Variants in TAFA4 observed in about 807,000 individuals in gnomAD.
TAFA4 encodes TAFA chemokine like family member 4.
Under a neutral mutation model 21.1 loss-of-function variants are expected in TAFA4, and 20 were observed. That is an observed-to-expected ratio of 0.95 (90% CI 0.67 to 1.38). The LOEUF is 1.38. TAFA4 is among the 40% of genes most tolerant of loss of function. The probability of loss-of-function intolerance (pLI) is 0.00; values close to 1 mark genes in which losing one functional copy is unlikely to be tolerated. For synonymous variants in TAFA4, 71 were observed against 67.4 expected (o/e 1.05, Z -0.26); for missense variants, 211 against 180.9 (o/e 1.17, Z -0.95).
At chr3:68,860,911 T>C (rs1006567935) in intron 3 of TAFA4, among the ~76,000 whole-genome samples, 1 of 152,148 alleles carries the variant, frequency 6.6e-6, no homozygotes, top group East Asian at 1.9e-4. Flanking sequence ...TTTTCTAAAA[T>C]ACTTGCCTTT....
intron 4 of TAFA4, among the ~76,000 whole-genome samples, chr3:68,744,676 G>A (rs539166111): frequency 5.3e-5 from 8 of 152,110 alleles, no homozygotes; most frequent in South Asian, 2.1e-4. Flanking sequence ...TAAAAATGAC[G>A]GATCCGGATG....
chr3:68,867,257 G>A (rs1575649082), intron 3 of TAFA4, among the ~76,000 whole-genome samples: 1 of 152,026 alleles, frequency 6.6e-6, no homozygotes, highest in African/African-American at 2.4e-5. Flanking sequence ...AAACCACAGA[G>A]GCCAGGAAAG....
chr3:68,870,730 C>T (rs926077223), intron 3 of TAFA4, among the ~76,000 whole-genome samples: 7 of 152,068 alleles, frequency 4.6e-5, no homozygotes, highest in Admixed American at 3.9e-4. Context: ...AATACTCTCC[C>T]TCCCCTTGCT....
chr3:68,917,764 A>AAAAAAAG (rs1443195684), intron 1 of TAFA4, among the ~76,000 whole-genome samples: 1 of 150,964 alleles, frequency 6.6e-6, no homozygotes, highest in African/African-American at 2.4e-5. Flanking sequence ...AAAAAAAAAA[A>AAAAAAAG]AAAAAAAAAG....
At chr3:68,869,814 A>G (rs2089462764) in intron 3 of TAFA4, among the ~76,000 whole-genome samples, 2 of 152,056 alleles carry the variant, frequency 1.3e-5, no homozygotes, top group Non-Finnish European at 2.9e-5. Context: ...AAGGATGCAC[A>G]AATTTACCAC....
intron 3 of TAFA4, among the ~76,000 whole-genome samples, chr3:68,792,642 A>G (rs773466038): frequency 1.3e-5 from 2 of 152,210 alleles, no homozygotes; most frequent in Non-Finnish European, 2.9e-5. Context: ...GATTTATTCT[A>G]TCTCTTGCCC....
intron 3 of TAFA4, among the ~76,000 whole-genome samples, chr3:68,760,676 G>C (rs929372929): frequency 6.6e-6 from 1 of 152,174 alleles, no homozygotes; most frequent in Non-Finnish European, 1.5e-5. Flanking sequence ...CTAAATACAA[G>C]ATTTCATGAA....
At chr3:68,856,755 T>G (rs1245059331) in intron 3 of TAFA4, among the ~76,000 whole-genome samples, 1 of 152,098 alleles carries the variant, frequency 6.6e-6, no homozygotes, top group African/African-American at 2.4e-5. Context: ...GAATTATACC[T>G]CACTCCTACT....
At chr3:68,744,462 G>A (rs571518841) in intron 4 of TAFA4, among the ~76,000 whole-genome samples, 10 of 152,214 alleles carry the variant, frequency 6.6e-5, no homozygotes, top group Non-Finnish European at 1.3e-4. Context: ...AAGAGTTTGA[G>A]AAGAACAAAC....
At chr3:68,899,934 A>G (rs2089827661) in intron 1 of TAFA4, among the ~76,000 whole-genome samples, 1 of 152,050 alleles carries the variant, frequency 6.6e-6, no homozygotes, top group Admixed American at 6.6e-5. Flanking sequence ...CCTAAAAGAC[A>G]TTTAACCTTT....
intron 1 of TAFA4, among the ~76,000 whole-genome samples, chr3:68,896,929 A>C (rs756130617): frequency 8.5e-5 from 13 of 152,224 alleles, no homozygotes; most frequent in Non-Finnish European, 1.6e-4. Context: ...ATTGAGACGA[A>C]GTCTCAGTCT....
At chr3:68,738,864 T>G (rs980808693) in intron 5 of TAFA4, among the ~76,000 whole-genome samples, 2 of 152,284 alleles carry the variant, frequency 1.3e-5, no homozygotes, top group South Asian at 2.1e-4. Context: ...AAATAATGAA[T>G]TCTCCCACCA....
chr3:68,848,838 T>C (rs1019408635), intron 3 of TAFA4, among the ~76,000 whole-genome samples: 11 of 152,106 alleles, frequency 7.2e-5, no homozygotes, highest in Admixed American at 7.2e-4. Context: ...TCCTGGTGCA[T>C]GCAAAGTGAC....
At chr3:68,855,829 G>A (rs971240799) in intron 3 of TAFA4, among the ~76,000 whole-genome samples, 9 of 151,948 alleles carry the variant, frequency 5.9e-5, no homozygotes, top group Non-Finnish European at 7.4e-5. Context: ...TCTGACCACC[G>A]AATGCCGTCA....
At chr3:68,861,838 C>A (rs1236476542) in intron 3 of TAFA4, among the ~76,000 whole-genome samples, 1 of 152,028 alleles carries the variant, frequency 6.6e-6, no homozygotes, top group African/African-American at 2.4e-5. Flanking sequence ...TGGAAATGCA[C>A]ACTGAGAAGA....
intron 3 of TAFA4, among the ~76,000 whole-genome samples, chr3:68,785,212 C>T (rs1360062366): frequency 6.6e-6 from 1 of 152,248 alleles, no homozygotes; most frequent in African/African-American, 2.4e-5. Context: ...CATAAAGGTT[C>T]TCCAAGTCCT....
At chr3:68,919,991 G>C (rs2090042224) in intron 1 of TAFA4, among the ~76,000 whole-genome samples, 1 of 152,170 alleles carries the variant, frequency 6.6e-6, no homozygotes, top group Non-Finnish European at 1.5e-5. Flanking sequence ...TTGTAATTAT[G>C]AGAAGGCTTT....
intron 3 of TAFA4, among the ~76,000 whole-genome samples, chr3:68,843,250 C>T (rs1704708292): frequency 6.6e-6 from 1 of 152,126 alleles, no homozygotes; most frequent in Non-Finnish European, 1.5e-5. Context: ...CTTCACATCC[C>T]TTGTAAGTTA....
At chr3:68,773,929 A>G (rs911639338) in intron 3 of TAFA4, among the ~76,000 whole-genome samples, 1 of 152,232 alleles carries the variant, frequency 6.6e-6, no homozygotes, top group African/African-American at 2.4e-5. Context: ...CAACAGCCTA[A>G]GATCAGAACC....
Sources: gnomAD v4.1 joint callset for allele counts (sites outside exome capture counted in the v4.1 genomes callset) on GRCh38, gnomAD v4.1.1 for gene constraint, MANE v1.5 for transcripts, NCBI Gene and HGNC (gene_info 2026-07-23, HGNC 2026-07-21) for gene names.